The following ROBO1 variants were observed in gnomAD, a reference collection of about 807,000 sequenced individuals.
ROBO1 encodes the protein roundabout homolog 1.
A neutral mutation model predicts 195.9 loss-of-function variants in ROBO1; 149 were observed. That is an observed-to-expected ratio of 0.76 (90% CI 0.67 to 0.87). ROBO1 has a LOEUF of 0.87. Ranked by LOEUF, ROBO1 falls within the 40% of genes least tolerant of loss-of-function variation. ROBO1 has a pLI of 0.00. For synonymous variants in ROBO1, 816 were observed against 733.2 expected (o/e 1.11, Z -1.82); for missense variants, 1,933 against 2,068.3 (o/e 0.93, Z 1.27).
chr3:79,065,977 A>G (rs1204366690), intron 3 of ROBO1, among the ~76,000 whole-genome samples: 2 of 151,944 alleles, frequency 1.3e-5, no homozygotes, highest in Non-Finnish European at 2.9e-5. Context: ...CATCATAAGG[A>G]ATGGATACCA....
At chr3:79,733,009 T>C (rs1703219535) in intron 1 of ROBO1, among the ~76,000 whole-genome samples, 2 of 152,206 alleles carry the variant, frequency 1.3e-5, no homozygotes, top group Non-Finnish European at 2.9e-5. Context: ...TATACCGCCA[T>C]AGCAGTCCCC....
rs115295536 is a variant in ROBO1, at chr3:79,053,709, C to T, written c.172+71747G>A. On this transcript the variant is annotated intron_variant, in intron 3 of 30. Transcript: ENST00000464233. ...TCACACTGTCATTCTGCTCTGACCC[C>T]CTCACCCTCAGTTTGCCTTATCTAC... Among the ~76,000 whole-genome samples, 303 of 151,496 alleles carry T rather than the reference C, an allele frequency of 2.0e-3. 2 individuals carry two copies. The highest frequency in any genetic ancestry group is 6.9e-3 in the African/African-American group (287 of 41,298).
intron 3 of ROBO1, among the ~76,000 whole-genome samples, chr3:79,002,560 G>T (rs1195014796): frequency 6.6e-6 from 1 of 152,060 alleles, no homozygotes; most frequent in Non-Finnish European, 1.5e-5. Flanking sequence ...AGTACAGCCA[G>T]CCAGACACAC....
chr3:78,989,119 C>T (rs1009541782), intron 3 of ROBO1, among the ~76,000 whole-genome samples: 2 of 151,926 alleles, frequency 1.3e-5, no homozygotes, highest in Non-Finnish European at 2.9e-5. Flanking sequence ...TGTTCTATAC[C>T]ACTGTGAAAT....
chr3:79,070,893 T>G (rs1158158446), intron 3 of ROBO1, among the ~76,000 whole-genome samples: 1 of 151,848 alleles, frequency 6.6e-6, no homozygotes, highest in Non-Finnish European at 1.5e-5. Context: ...CTAATTCTTT[T>G]TATACTGACT....
chr3:79,553,603 G>A (rs1385612811), intron 2 of ROBO1, among the ~76,000 whole-genome samples: 3 of 152,016 alleles, frequency 2.0e-5, no homozygotes, highest in African/African-American at 4.8e-5. Flanking sequence ...GGTACCAAGT[G>A]TCATTTTTTA....
At chr3:79,520,403 G>C (rs1001626594) in intron 2 of ROBO1, among the ~76,000 whole-genome samples, 1 of 152,154 alleles carries the variant, frequency 6.6e-6, no homozygotes, top group African/African-American at 2.4e-5. Context: ...AGAGTCTAGA[G>C]TACAAATTTT....
chr3:79,399,107 A>G (rs1477356406), intron 2 of ROBO1, among the ~76,000 whole-genome samples: 1 of 152,140 alleles, frequency 6.6e-6, no homozygotes, highest in East Asian at 1.9e-4. Flanking sequence ...TCAATAGCAG[A>G]TTCCTTGGTC....
At chr3:79,563,631 G>C (rs2107719014) in intron 2 of ROBO1, among the ~76,000 whole-genome samples, 1 of 152,162 alleles carries the variant, frequency 6.6e-6, no homozygotes, top group South Asian at 2.1e-4. Flanking sequence ...TTTAGAGCTT[G>C]ATGATAAAAC....
chr3:79,157,884 A>G (rs2080886401), intron 2 of ROBO1, among the ~76,000 whole-genome samples: 1 of 151,876 alleles, frequency 6.6e-6, no homozygotes, highest in Admixed American at 6.6e-5. Context: ...TTTAATTAAC[A>G]ATACATGTGG....
intron 4 of ROBO1, among the ~76,000 whole-genome samples, chr3:78,839,159 T>C (rs1204327725): frequency 6.6e-6 from 1 of 152,148 alleles, no homozygotes; most frequent in Non-Finnish European, 1.5e-5. Flanking sequence ...CTAAGATTCA[T>C]TGCATTGCAT....
chr3:79,156,631 C>A (rs1030791222), intron 2 of ROBO1, among the ~76,000 whole-genome samples: 1 of 151,644 alleles, frequency 6.6e-6, no homozygotes, highest in Non-Finnish European at 1.5e-5. Context: ...GCCTTTTGAG[C>A]AATACTTTAA....
At chr3:79,534,184 C>A (rs937992920) in intron 2 of ROBO1, among the ~76,000 whole-genome samples, 69 of 122,326 alleles carry the variant, frequency 5.6e-4, no homozygotes, top group South Asian at 2.6e-3. Context: ...AAAATCAATT[C>A]TTCACCAGAG....
At chr3:79,322,343 G>T (rs1161321619) in intron 2 of ROBO1, among the ~76,000 whole-genome samples, 2 of 152,150 alleles carry the variant, frequency 1.3e-5, no homozygotes, top group Non-Finnish European at 2.9e-5. Flanking sequence ...ACAAGTATAC[G>T]TTAGTATTTT....
At chr3:79,724,348 T>C (rs538310455) in intron 1 of ROBO1, among the ~76,000 whole-genome samples, 1 of 152,334 alleles carries the variant, frequency 6.6e-6, no homozygotes, top group East Asian at 1.9e-4. Flanking sequence ...TTCTAAGCTA[T>C]TACGTTTCTC....
intron 4 of ROBO1, among the ~76,000 whole-genome samples, chr3:78,776,361 C>T (rs1382746768): frequency 6.6e-6 from 1 of 152,214 alleles, no homozygotes; most frequent in Non-Finnish European, 1.5e-5. Flanking sequence ...AAGTGATTCT[C>T]CTGCCTTAGC....
At chr3:78,628,094 C>T (rs557028366) in intron 25 of ROBO1, among the ~76,000 whole-genome samples, 3 of 152,032 alleles carry the variant, frequency 2.0e-5, no homozygotes, top group African/African-American at 7.2e-5. Flanking sequence ...GCTGGGATTA[C>T]AGGTGCTCAT....
At chr3:79,491,094 C>G (rs991916117) in intron 2 of ROBO1, among the ~76,000 whole-genome samples, 1 of 151,888 alleles carries the variant, frequency 6.6e-6, no homozygotes, top group African/African-American at 2.4e-5. Context: ...GTGCAGGAGC[C>G]TTTTGTTAAA....
intron 8 of ROBO1, among the ~76,000 whole-genome samples, chr3:78,704,872 T>C (rs2081513293): frequency 6.6e-6 from 1 of 152,082 alleles, no homozygotes; most frequent in Admixed American, 6.6e-5. Context: ...ACACAGTATG[T>C]TACATTAAGA....
Sources: gnomAD v4.1 joint callset for allele counts (sites outside exome capture counted in the v4.1 genomes callset) on GRCh38, gnomAD v4.1.1 for gene constraint, MANE v1.5 for transcripts, NCBI Gene and HGNC (gene_info 2026-07-23, HGNC 2026-07-21) for gene names.